Variants in FGD3 observed in about 807,000 individuals in gnomAD.
FGD3 encodes FYVE, RhoGEF and PH domain-containing protein 3.
A neutral mutation model predicts 71.8 loss-of-function variants in FGD3; 45 were observed. The ratio of observed to expected loss-of-function variants is 0.63; its 90% CI spans 0.49 to 0.80. The LOEUF is 0.80. FGD3 is among the 30% of genes least tolerant of loss of function. FGD3 has a pLI of 0.00. For synonymous variants in FGD3, 378 were observed against 392.8 expected (o/e 0.96, Z 0.44); for missense variants, 844 against 951.5 (o/e 0.89, Z 1.49).
Position 93,003,195 on chromosome 9 carries a change from C to G in FGD3, c.543+181C>G, listed in dbSNP as rs1363243708. ...CCAAGCTGGAGTGCAGTGGCGCGAT[C>G]TTGGCTCACTGCAACCTCCGCCTCT... On this transcript the variant is annotated intron_variant, in intron 4 of 17. Coordinates refer to ENST00000375482, the MANE Select transcript of FGD3 (RefSeq NM_001083536.2). This position sits in a 1 kb window ranked among gnomAD's most constrained non-coding sequence, Gnocchi z 4.1. 6.6e-6 allele frequency among the ~76,000 whole-genome samples: 1 copy of G among 151,896 alleles called. No homozygotes were observed. The highest frequency in any genetic ancestry group is 6.6e-5 in the Admixed American group (1 of 15,256).
chr9:92,967,253 G>A (rs974837510), intron 1 of FGD3, among the ~76,000 whole-genome samples: 5 of 152,150 alleles, frequency 3.3e-5, no homozygotes, highest in African/African-American at 1.2e-4. Flanking sequence ...GTGAGCCACC[G>A]TGCCCAGCCT....
At chr9:93,019,275 C>T (rs1861822873) in intron 11 of FGD3, among the ~76,000 whole-genome samples, 1 of 152,130 alleles carries the variant, frequency 6.6e-6, no homozygotes, top group Non-Finnish European at 1.5e-5. Context: ...CCCATATCTG[C>T]ACACCATTCC....
At position 92,970,031 on chromosome 9, in the gene FGD3, G is replaced by A. The variant is rs10120529; in HGVS notation, c.-217-5207G>A. ...AGCTCCAGCCTTGCTCACCTCAGGC[G>A]GCTCAGGGCTTCTTAAAGGGAAAGC... On this transcript the variant is annotated intron_variant, in intron 1 of 17. Coordinates refer to ENST00000375482, the MANE Select transcript of FGD3 (RefSeq NM_001083536.2). Among the ~76,000 whole-genome samples, 1,122 of 152,274 alleles carry A rather than the reference G, an allele frequency of 7.4e-3. 16 individuals are homozygous for A. Among genetic ancestry groups the A allele is most frequent in the African/African-American group, 0.025 (1,042 of 41,546 alleles).
At position 92,964,528 on chromosome 9, in the gene FGD3, T is replaced by C. The variant is rs1859243213; in HGVS notation, c.-217-10710T>C. Reference sequence around the variant, plus strand: ...GGTGTCTTGTTTTTGTTCTGTTGTCTTTCTCTGGGTTCCTGTAGCATGATG... The same window carrying C: ...GGTGTCTTGTTTTTGTTCTGTTGTCCTTCTCTGGGTTCCTGTAGCATGATG... On this transcript the variant is annotated intron_variant, in intron 1 of 17. Transcript: ENST00000375482. Among the ~76,000 whole-genome samples the C allele has an allele frequency of 2.6e-5, 4 of 152,348 alleles. No individual in the cohort carries two copies. In the South Asian group the frequency reaches 8.3e-4, roughly 32 times the overall value.
chr9:93,030,703 A>G (rs1310609018), intron 15 of FGD3, among the ~76,000 whole-genome samples: 1 of 50,224 alleles, frequency 2.0e-5, no homozygotes, highest in Non-Finnish European at 3.5e-5. Flanking sequence ...CCTTTGCCAC[A>G]TGGCGGGGGG....
At chr9:93,005,182 G>A (rs1861005833) in intron 5 of FGD3, among the ~76,000 whole-genome samples, 1 of 152,064 alleles carries the variant, frequency 6.6e-6, no homozygotes, top group South Asian at 2.1e-4. Context: ...GAGTGCAGTG[G>A]CGTGATCTCA....
chr9:93,009,269 A>G (rs1020674441), intron 6 of FGD3, among the ~76,000 whole-genome samples: 1 of 152,034 alleles, frequency 6.6e-6, no homozygotes, highest in African/African-American at 2.4e-5. Context: ...TCTCAAAAAA[A>G]AAAAAGTTTC....
chr9:92,987,937 A>G (rs935096107), intron 3 of FGD3, among the ~76,000 whole-genome samples: 4 of 152,156 alleles, frequency 2.6e-5, no homozygotes, highest in African/African-American at 2.4e-5. Flanking sequence ...AGGTTTTTCT[A>G]TCTATTGGGA....
At position 93,011,223 on chromosome 9, in the gene FGD3, A is replaced by C; in HGVS notation, c.986A>C (p.Glu329Ala). 6.2e-7 allele frequency: 1 copy of C among 1,614,128 alleles called. No individual in the cohort carries two copies. Among genetic ancestry groups the C allele is most frequent in the Non-Finnish European group, 8.5e-7 (1 of 1,179,998 alleles). Residue 329 changes from glutamate (E) to alanine (A), a missense_variant, in exon 8 of 18, where the codon GAG becomes GCG. Coordinates refer to ENST00000375482, the MANE Select transcript of FGD3 (RefSeq NM_001083536.2). ...PDRKDAERSL[E>A]LISTAANHSN... ...AGTCTTCTTCCTGCAGGGTCCTTGG[A>C]GCTCATCTCCACAGCCGCCAACCAC...
chr9:92,975,977 A>C (rs192426644), intron 2 of FGD3, among the ~76,000 whole-genome samples: 9 of 152,310 alleles, frequency 5.9e-5, no homozygotes, highest in African/African-American at 2.2e-4. Context: ...CGGAACAAAC[A>C]ATTTTAAAAC....
intron 16 of FGD3, chr9:93,033,183 AG>A: frequency 4.7e-6 from 2 of 429,274 alleles, no homozygotes; most frequent in South Asian, 4.1e-5. Flanking sequence ...CCTCAAGTCC[AG>A]GCCTTGAGGC....
rs1473060802 is a variant in FGD3 at position 93,022,311 on chromosome 9, T to C, written c.1495-16T>C. ...CCCTGGAATCTCCTCTCACTCGGCC[T>C]CTGTGTCCCTTCTAGATCACGAGCA... On this transcript the variant is annotated splice_polypyrimidine_tract_variant and intron_variant, in intron 13 of 17. Coordinates refer to ENST00000375482, the MANE Select transcript of FGD3 (RefSeq NM_001083536.2). The C allele has an allele frequency of 6.2e-7, 1 of 1,608,592 alleles. No homozygotes were observed.
intron 3 of FGD3, among the ~76,000 whole-genome samples, chr9:92,981,224 C>T (rs1859981118): frequency 6.6e-6 from 1 of 151,328 alleles, no homozygotes; most frequent in Non-Finnish European, 1.5e-5. Flanking sequence ...AAAAATTAGC[C>T]AGGCGTGGTG....
intron 10 of FGD3, among the ~76,000 whole-genome samples, chr9:93,016,481 G>A (rs1253648457): frequency 2.0e-5 from 3 of 151,608 alleles, no homozygotes; most frequent in African/African-American, 7.3e-5. Context: ...GCGATTACAG[G>A]TGTGTGCCAC....
chr9:93,020,608 T>C, intron 13 of FGD3, 184 bp downstream of exon 13: 1 of 589,884 alleles, frequency 1.7e-6, no homozygotes, highest in Non-Finnish European at 3.0e-6. Context: ...AATTTAACAA[T>C]TTAATTGAGC....
At chr9:92,998,968 T>C (rs1186591066) in intron 3 of FGD3, among the ~76,000 whole-genome samples, 1 of 152,196 alleles carries the variant, frequency 6.6e-6, no homozygotes, top group Non-Finnish European at 1.5e-5. Context: ...TCTCAAACTC[T>C]GTGCTGGGAG....
At chr9:92,967,628 G>T (rs531503909) in intron 1 of FGD3, among the ~76,000 whole-genome samples, 5 of 152,272 alleles carry the variant, frequency 3.3e-5, no homozygotes, top group African/African-American at 1.2e-4. Flanking sequence ...AGGCTGGAGT[G>T]CAGTGGCGCG....
chr9:92,960,803 A>C (rs1859154453), intron 1 of FGD3, among the ~76,000 whole-genome samples: 1 of 152,100 alleles, frequency 6.6e-6, no homozygotes, highest in Non-Finnish European at 1.5e-5. Flanking sequence ...GCTGCTGAAC[A>C]GGGTAGAGCC....
chr9:92,998,816 C>T (rs1860746045), intron 3 of FGD3, among the ~76,000 whole-genome samples: 2 of 152,308 alleles, frequency 1.3e-5, no homozygotes, highest in South Asian at 4.1e-4. Flanking sequence ...ATGTTGCTGT[C>T]TGATCCTTCT....
Sources: allele counts gnomAD v4.1 joint callset (sites outside exome capture counted in the v4.1 genomes callset), GRCh38; gene constraint gnomAD v4.1.1; non-coding constraint Gnocchi (gnomAD v3.1); transcripts MANE v1.5; gene names NCBI Gene and HGNC (gene_info 2026-07-23, HGNC 2026-07-21).